The following FRY variants were observed in gnomAD, a reference collection of about 807,000 sequenced individuals.
FRY encodes the protein protein furry homolog.
In FRY, 128 loss-of-function variants were observed where a neutral mutation model predicts 348.4. The observed-to-expected ratio is 0.37, with a 90% CI of 0.32 to 0.43. FRY has a LOEUF of 0.43. Among genes scored for constraint, FRY ranks in the 20% least tolerant of loss-of-function variants. The pLI, the probability that FRY is intolerant of heterozygous loss-of-function variation, is 1.00. For missense variants in FRY, 2,736 were observed against 3,695.2 expected, an observed-to-expected ratio of 0.74 and a Z score of 6.73; for synonymous variants, 1,370 against 1,374.7, an observed-to-expected ratio of 1.00 and a Z score of 0.08.
chr13:32,184,174 A>G (rs1272796308), intron 24 of FRY, among the ~76,000 whole-genome samples: 1 of 152,178 alleles, frequency 6.6e-6, no homozygotes, highest in Non-Finnish European at 1.5e-5. Context: ...GTGAAATCCT[A>G]TCTCAAAAAT....
chr13:32,078,964 C>T lies in FRY; in HGVS notation c.201C>T (p.Leu67=). The change falls in exon 2 of 61, where the codon CTC becomes CTT. Residue 67 remains leucine, a synonymous_variant. Coordinates refer to ENST00000542859, the MANE Select transcript of FRY (RefSeq NM_023037.3). ...ACAGTAAACCAGGAGAATATGTCCT[C>T]AAAAGTTTATTTGTCAACTTCACCA... The part of the protein sequence containing the change: ...DPDSKPGEYV[L]KSLFVNFTTQ... 1.2e-6 allele frequency: 2 copies of T among 1,613,976 alleles called. No homozygotes were observed. The highest frequency in any genetic ancestry group is 1.7e-6 in the Non-Finnish European group (2 of 1,179,858).
At position 32,228,401 on chromosome 13, in the gene FRY, A is replaced by G. The variant is rs1593771594; in HGVS notation, c.5207-55A>G. ...CCCTCCTCTGTGGACCTCATTAAGC[A>G]TGCTGACAAGCACACTGCCTAGTAC... is the stretch of plus-strand genomic sequence containing the variant. On this transcript the variant is annotated intron_variant, in intron 39 of 60. Coordinates refer to ENST00000542859, the MANE Select transcript of FRY (RefSeq NM_023037.3). The G allele has an allele frequency of 5.7e-5, 74 of 1,305,174 alleles. 4 individuals are homozygous for G. In the South Asian group the frequency reaches 8.1e-4, roughly 14 times the overall value. The allele number at this position is 1,305,174 out of a possible 1,614,324, so 80.8% of individuals were successfully genotyped here.
intron 16 of FRY, among the ~76,000 whole-genome samples, chr13:32,157,628 A>G (rs1310042821): frequency 6.6e-6 from 1 of 152,202 alleles, no homozygotes; most frequent in Non-Finnish European, 1.5e-5. Flanking sequence ...TAGGTCAGTA[A>G]GTTAGAAAAT....
intron 29 of FRY, among the ~76,000 whole-genome samples, chr13:32,198,453 A>G (rs1445397382): frequency 1.3e-5 from 2 of 152,198 alleles, no homozygotes; most frequent in African/African-American, 2.4e-5. Context: ...AACAATTCCA[A>G]ACTTCACTGG....
At chr13:32,166,667 G>A (rs1204689639) in intron 17 of FRY, among the ~76,000 whole-genome samples, 1 of 150,572 alleles carries the variant, frequency 6.6e-6, no homozygotes. Context: ...CTGACAGGCA[G>A]CCCTCTGCTT....
At chr13:32,067,153 A>C (rs1319055350) in intron 1 of FRY, among the ~76,000 whole-genome samples, 1 of 152,190 alleles carries the variant, frequency 6.6e-6, no homozygotes, top group Admixed American at 6.5e-5. Context: ...GACACTTGGC[A>C]GATGCCTCTC....
rs1884338963 is a variant in FRY, at chr13:32,206,199, GCA to G, written c.4019-2651_4019-2650del. Among the ~76,000 whole-genome samples, 3 of 152,140 alleles carry G rather than the reference GCA, an allele frequency of 2.0e-5. No individual in the cohort carries two copies. The South Asian group carries it at 6.2e-4, about 31-fold the overall frequency. On this transcript the variant is annotated intron_variant, in intron 31 of 60. Transcript: ENST00000542859. ...ATGGATGAGATCAGGAATGGAGAGA[GCA>G]CAGAGTGGAAGAAAGGGCCTGGACA... is the stretch of plus-strand genomic sequence containing the variant.
At chr13:32,228,326 C>G in intron 39 of FRY, 130 bp from the exon 40 acceptor site, 2 of 794,724 alleles carry the variant, frequency 2.5e-6, no homozygotes, top group Non-Finnish European at 4.5e-6. Context: ...TAGCCACAGC[C>G]GAAAGCAACC....
intron 10 of FRY, among the ~76,000 whole-genome samples, chr13:32,136,371 A>G (rs991485271): frequency 6.6e-6 from 1 of 152,218 alleles, no homozygotes; most frequent in Non-Finnish European, 1.5e-5. Flanking sequence ...CAATGCAATA[A>G]CACTTCTTTT....
chr13:32,031,914 C>T (rs1338808755), intron 1 of FRY, 49 bp downstream of exon 1: 1 of 1,053,634 alleles, frequency 9.5e-7, no homozygotes, highest in Admixed American at 1.7e-5. Flanking sequence ...CTGGATGTTG[C>T]ATAAGGCTGG....
At chr13:32,052,383 A>G (rs903903002) in intron 1 of FRY, among the ~76,000 whole-genome samples, 1 of 152,230 alleles carries the variant, frequency 6.6e-6, no homozygotes, top group South Asian at 2.1e-4. Flanking sequence ...CTGTGTGTCT[A>G]AGTTTTATAA....
chr13:32,174,938 A>T (rs1882286858), intron 19 of FRY, among the ~76,000 whole-genome samples: 1 of 152,164 alleles, frequency 6.6e-6, no homozygotes, highest in Non-Finnish European at 1.5e-5. Context: ...ATTAATTTAT[A>T]AATTTATGAT....
chr13:32,063,369 C>T (rs547499754), intron 1 of FRY, among the ~76,000 whole-genome samples: 9 of 152,292 alleles, frequency 5.9e-5, no homozygotes, highest in Admixed American at 3.3e-4. Flanking sequence ...GCTGGTTTGT[C>T]GTTTCTGGCA....
chr13:32,105,003 C>T (rs1438406955), intron 3 of FRY, among the ~76,000 whole-genome samples: 4 of 152,098 alleles, frequency 2.6e-5, no homozygotes, highest in South Asian at 2.1e-4. Flanking sequence ...TTATTAGCAG[C>T]GTGAGAACAG....
intron 12 of FRY, 76 bp from the exon 13 acceptor site, chr13:32,147,763 A>AT: frequency 1.2e-6 from 1 of 835,452 alleles, no homozygotes; most frequent in South Asian, 1.3e-5. Flanking sequence ...ATAAGATGAA[A>AT]TATCTGCCAT....
At chr13:32,188,009 T>A (rs946119561) in intron 28 of FRY, among the ~76,000 whole-genome samples, 1 of 152,098 alleles carries the variant, frequency 6.6e-6, no homozygotes, top group Non-Finnish European at 1.5e-5. Context: ...AAGAATAAAT[T>A]ACTATGGAAA....
Position 32,256,851 on chromosome 13 carries a change from T to A in FRY, c.7416+2457T>A, listed in dbSNP as rs533658111. On this transcript the variant is annotated intron_variant, in intron 51 of 60. Transcript: ENST00000542859. ...GCATTCCTCATCTGAAAATTCAAAA[T>A]CTGAAATGCTCCAAAATCCTAAACT... 1.8e-3 allele frequency among the ~76,000 whole-genome samples: 257 copies of A among 145,912 alleles called. 2 individuals are homozygous for A. The highest frequency in any genetic ancestry group is 5.9e-3 in the African/African-American group (241 of 41,128).
In FRY at chr13:32,190,070, C is replaced by T. The variant is rs771660056; in HGVS notation, c.3591+2414C>T. ...TCTCAAAAACATGATCTCAGATGTA[C>T]GAAAAGCATTTGTTAAAGTTCTACA... On this transcript the variant is annotated intron_variant, in intron 28 of 60. Transcript: ENST00000542859. 6.0e-5 allele frequency among the ~76,000 whole-genome samples: 9 copies of T among 151,178 alleles called. No individual in the cohort carries two copies. In the East Asian group the frequency reaches 7.7e-4, roughly 13 times the overall value.
intron 20 of FRY, among the ~76,000 whole-genome samples, chr13:32,177,611 A>G (rs1882446394): frequency 6.6e-6 from 1 of 151,922 alleles, no homozygotes; most frequent in South Asian, 2.1e-4. Flanking sequence ...AAATAAATAA[A>G]TAAATAAATA....
Sources: allele counts gnomAD v4.1 joint callset (sites outside exome capture counted in the v4.1 genomes callset), GRCh38; gene constraint gnomAD v4.1.1; transcripts MANE v1.5; gene names NCBI Gene and HGNC (gene_info 2026-07-23, HGNC 2026-07-21).